The following CD55 variants were observed in gnomAD, a reference collection of about 807,000 sequenced individuals.
The protein encoded by CD55 is CD55 molecule (Cromer blood group), also known as complement decay-accelerating factor.
CD55 carries 41 observed loss-of-function variants against 45.8 expected under a neutral mutation model. The ratio of observed to expected loss-of-function variants is 0.90; its 90% CI spans 0.70 to 1.16. The LOEUF is 1.16. Among genes scored for constraint, CD55 ranks in the 50% most tolerant of loss-of-function variants. CD55 has a pLI of 0.00. For synonymous variants in CD55, 181 were observed against 181.1 expected, an observed-to-expected ratio of 1.00 and a Z score of 0.01; for missense variants, 416 against 469.8, an observed-to-expected ratio of 0.89 and a Z score of 1.06.
In CD55 at chr1:207,331,035, A is replaced by G. The variant is rs533232246; in HGVS notation, c.665-73A>G. On this transcript the variant is annotated intron_variant, in intron 5 of 9. Coordinates refer to ENST00000367064, the MANE Select transcript of CD55 (RefSeq NM_000574.5). ...ATTTCTTTAAAATATAATCTTTAACATGTTTTGATCTTATTTGTAAAAATA... is the reference window on the plus strand; with the variant it reads ...ATTTCTTTAAAATATAATCTTTAACGTGTTTTGATCTTATTTGTAAAAATA... 5.5e-4 allele frequency: 591 copies of G among 1,076,966 alleles called. 10 individuals are homozygous for G. In the South Asian group the frequency reaches 8.8e-3, roughly 16 times the overall value. The allele number at this position is 1,076,966 out of a possible 1,614,324, so 66.7% of individuals were successfully genotyped here. A position where few individuals can be genotyped will look rare whatever the true frequency, so the allele number is the denominator to read the frequency against.
intron 6 of CD55, among the ~76,000 whole-genome samples, chr1:207,335,359 C>T (rs964138359): frequency 3.3e-5 from 5 of 152,088 alleles, no homozygotes; most frequent in African/African-American, 1.2e-4. Flanking sequence ...AAAATTGACC[C>T]TTTGCTGGGC....
At chr1:207,354,696 A>G (rs28371638) in intron 9 of CD55, among the ~76,000 whole-genome samples, 4,492 of 152,308 alleles carry the variant, frequency 0.029, 226 homozygotes, top group African/African-American at 0.1. Context: ...TTGAGATCAT[A>G]AACAGTTGCC....
At chr1:207,335,055 G>T (rs1655107965) in intron 6 of CD55, among the ~76,000 whole-genome samples, 1 of 152,070 alleles carries the variant, frequency 6.6e-6, no homozygotes, top group Non-Finnish European at 1.5e-5. Flanking sequence ...AGATGAAACA[G>T]TTCATAATGA....
intron 2 of CD55, 35 bp from the exon 3 acceptor site, chr1:207,324,524 A>G: frequency 6.9e-7 from 1 of 1,451,636 alleles, no homozygotes; most frequent in African/African-American, 1.4e-5. Flanking sequence ...AATTGATACT[A>G]CATTTTTTGT....
At chr1:207,324,474 T>C in intron 2 of CD55, 85 bp from the exon 3 acceptor site, 1 of 819,140 alleles carries the variant, frequency 1.2e-6, no homozygotes. Context: ...GAAAGGGGGT[T>C]ATTAGGGTCC....
At position 207,326,737 on chromosome 1, in the gene CD55, C is replaced by T. The variant is rs1390643940; in HGVS notation, c.579-15C>T. On this transcript the variant is annotated splice_polypyrimidine_tract_variant and intron_variant, in intron 4 of 9. Transcript: ENST00000367064. Reference sequence around the variant, plus strand: ...TGAATGTAACAAACTCTTTTTTCTTCCCCTGTTGCTTTAGGTACAAATTAT... The same window carrying T: ...TGAATGTAACAAACTCTTTTTTCTTTCCCTGTTGCTTTAGGTACAAATTAT... The T allele has an allele frequency of 2.5e-6, 4 of 1,596,452 alleles. No homozygotes were observed. Among genetic ancestry groups the T allele is most frequent in the Non-Finnish European group, 3.4e-6 (4 of 1,165,836 alleles).
chr1:207,356,928 A>G (rs754792125), intron 9 of CD55, among the ~76,000 whole-genome samples: 2 of 152,226 alleles, frequency 1.3e-5, no homozygotes, highest in Non-Finnish European at 2.9e-5. Flanking sequence ...TGGAATTTAT[A>G]CAAACTTGAG....
intron 5 of CD55, 123 bp downstream of exon 5, chr1:207,326,960 G>T: frequency 1.7e-6 from 1 of 572,688 alleles, no homozygotes. Flanking sequence ...TTCAATATAT[G>T]AGTGCTTTGC....
chr1:207,341,732 C>CT (rs1174805457), intron 9 of CD55, among the ~76,000 whole-genome samples: 5 of 150,282 alleles, frequency 3.3e-5, no homozygotes, highest in Non-Finnish European at 4.4e-5. Context: ...TCTTTGGACT[C>CT]TTTTGGTTCC....
At chr1:207,340,554 T>C in intron 9 of CD55, 1 of 699,146 alleles carries the variant, frequency 1.4e-6, no homozygotes, top group East Asian at 2.7e-5. Context: ...TTATTTTTTG[T>C]AGAGACAGGA....
At chr1:207,354,228 A>C (rs189153799) in intron 9 of CD55, 1 of 1,285,484 alleles carries the variant, frequency 7.8e-7, no homozygotes, top group African/African-American at 1.5e-5. Context: ...TATTTCAAAC[A>C]GTTAAAATTA....
rs146687590 is a variant in CD55 at position 207,326,821 on chromosome 1, G to A, written c.648G>A (p.Pro216=). ...GCAGCTCTGTCCAGTGGAGTGACCC[G>A]TTGCCAGAGTGCAGAGGTAAGAGTT... The part of the protein sequence containing the change: ...ISGSSVQWSD[P]LPECREIYCP... The change falls in exon 5 of 10, where the codon CCG becomes CCA. Residue 216 remains proline (P), a synonymous_variant. Coordinates refer to ENST00000367064, the MANE Select transcript of CD55 (RefSeq NM_000574.5). 262 of 1,612,934 alleles carry A rather than the reference G, an allele frequency of 1.6e-4. No individual in the cohort carries two copies. The highest frequency in any genetic ancestry group is 2.7e-4 in the African/African-American group (20 of 74,850).
rs34906513 is a variant in CD55 at position 207,360,423 on chromosome 1, A to G, written c.*813A>G. 1 of 152,324 alleles carries G rather than the reference A, an allele frequency of 6.6e-6. No individual in the cohort carries two copies. Among genetic ancestry groups the G allele is most frequent in the Non-Finnish European group, 1.5e-5 (1 of 67,998 alleles). The allele number at this position is 152,324 out of a possible 1,614,324, so 9.4% of individuals were successfully genotyped here. A position where few individuals can be genotyped will look rare whatever the true frequency, so the allele number is the denominator to read the frequency against. On this transcript the variant is annotated 3_prime_UTR_variant, in exon 10 of 10. Transcript: ENST00000367064. ...CAGTGAACATTCTGATTTTACATGT[A>G]AAACAAGAAAAGTTGAAGAAGATAT... is the stretch of plus-strand genomic sequence containing the variant.
At chr1:207,352,255 G>A (rs532453100) in intron 9 of CD55, among the ~76,000 whole-genome samples, 1 of 151,204 alleles carries the variant, frequency 6.6e-6, no homozygotes. Flanking sequence ...TGTGGGGGGT[G>A]GGGGGTGCGT....
At chr1:207,359,280 G>T (rs1656193553) in intron 9 of CD55, among the ~76,000 whole-genome samples, 1 of 151,620 alleles carries the variant, frequency 6.6e-6, no homozygotes, top group Non-Finnish European at 1.5e-5. Context: ...TAATCTGAAG[G>T]TACCTTAATT....
Position 207,324,615 on chromosome 1 carries a change from A to C in CD55, c.343A>C (p.Thr115Pro). 1 of 1,611,974 alleles carries C rather than the reference A, an allele frequency of 6.2e-7. No individual in the cohort carries two copies. Among genetic ancestry groups the C allele is most frequent in the Non-Finnish European group, 8.5e-7 (1 of 1,178,972 alleles). Reference protein sequence around the residue: ...NSASLKQPYITQNYFPVGTVV... With the variant: ...NSASLKQPYIPQNYFPVGTVV... ...TGCATCCCTCAAACAGCCTTATATC[A>C]CTCAGAATTATTTTCCAGTCGGTAC... The change falls in exon 3 of 10, where the codon ACT (threonine) becomes CCT (proline). Residue 115 changes from threonine (T) to proline (P), a missense_variant. By Grantham distance (38) the Thr-to-Pro change is conservative (BLOSUM62 -1). Transcript: ENST00000367064.
At chr1:207,337,606 A>G (rs899035648) in intron 8 of CD55, 197 bp downstream of exon 8, 2 of 429,110 alleles carry the variant, frequency 4.7e-6, no homozygotes, top group African/African-American at 4.1e-5. Flanking sequence ...AACATTTACA[A>G]TAATAGAGAA....
At position 207,342,477 on chromosome 1, in the gene CD55, A is replaced by G. The variant is rs1032813593; in HGVS notation, c.1081+3060A>G. 4.6e-5 allele frequency among the ~76,000 whole-genome samples: 7 copies of G among 152,078 alleles called. No homozygotes were observed. The South Asian group carries it at 8.3e-4, about 18-fold the overall frequency. Reference sequence around the variant, plus strand: ...TTTATGATGTTAATATGCTTCTTCTATGCCTAGTTTGTTGAGAGTTTTATT... The same window carrying G: ...TTTATGATGTTAATATGCTTCTTCTGTGCCTAGTTTGTTGAGAGTTTTATT... On this transcript the variant is annotated intron_variant, in intron 9 of 9. Transcript: ENST00000367064.
At chr1:207,340,577 G>T (rs1230353065) in intron 9 of CD55, 3 of 695,036 alleles carry the variant, frequency 4.3e-6, no homozygotes, top group East Asian at 2.7e-5. Flanking sequence ...TTCCTATGTT[G>T]CCCAGGCTGG....
Sources: allele counts gnomAD v4.1 joint callset (sites outside exome capture counted in the v4.1 genomes callset), GRCh38; gene constraint gnomAD v4.1.1; transcripts MANE v1.5; gene names NCBI Gene and HGNC (gene_info 2026-07-23, HGNC 2026-07-21).